CACNA2D3: variants seen among roughly 807,000 people sequenced by gnomAD.
CACNA2D3 encodes the protein calcium voltage-gated channel auxiliary subunit alpha2delta 3, also known as voltage-dependent calcium channel subunit alpha-2/delta-3.
In CACNA2D3, 60 loss-of-function variants were observed where a neutral mutation model predicts 160.6. That is an observed-to-expected ratio of 0.37 (90% CI 0.30 to 0.46). CACNA2D3 has a LOEUF of 0.46. Among genes scored for constraint, CACNA2D3 ranks in the 20% least tolerant of loss-of-function variants. The pLI is 1.00. For missense variants in CACNA2D3, 1,205 were observed against 1,365.0 expected, an observed-to-expected ratio of 0.88 and a Z score of 1.85; for synonymous variants, 558 against 492.9, an observed-to-expected ratio of 1.13 and a Z score of -1.75.
At chr3:54,890,495 C>CAAAAAAA (rs34740812) in intron 24 of CACNA2D3, among the ~76,000 whole-genome samples, 10 of 60,436 alleles carry the variant, frequency 1.7e-4, no homozygotes, top group African/African-American at 3.8e-4. Context: ...GACTCCGTCT[C>CAAAAAAA]AAAAAAAAAA....
chr3:54,365,898 C>T (rs1698820756), intron 3 of CACNA2D3, among the ~76,000 whole-genome samples: 1 of 152,198 alleles, frequency 6.6e-6, no homozygotes, highest in East Asian at 1.9e-4. Context: ...AGCCTATCCT[C>T]TCAGAGTTTA....
chr3:54,616,163 A>G (rs1177726384), intron 9 of CACNA2D3, among the ~76,000 whole-genome samples: 1 of 152,200 alleles, frequency 6.6e-6, no homozygotes, highest in Non-Finnish European at 1.5e-5. Flanking sequence ...CCTGGACTCA[A>G]GAACCCAGGA....
At chr3:54,899,662 C>G (rs1397088885) in intron 26 of CACNA2D3, 126 bp from the exon 27 acceptor site, 1 of 687,842 alleles carries the variant, frequency 1.5e-6, no homozygotes, top group Non-Finnish European at 2.5e-6. Flanking sequence ...TCAGAGGACT[C>G]TGGGGCCTGG....
At chr3:54,614,053 G>C (rs1575382399) in intron 9 of CACNA2D3, among the ~76,000 whole-genome samples, 1 of 152,154 alleles carries the variant, frequency 6.6e-6, no homozygotes, top group East Asian at 1.9e-4. Flanking sequence ...GTCTCCCCTT[G>C]TTCAATTGAT....
At chr3:54,710,874 T>C (rs1462588752) in intron 11 of CACNA2D3, among the ~76,000 whole-genome samples, 1 of 152,192 alleles carries the variant, frequency 6.6e-6, no homozygotes, top group Non-Finnish European at 1.5e-5. Flanking sequence ...AATATTTAAT[T>C]AAATCTCCTT....
intron 4 of CACNA2D3, among the ~76,000 whole-genome samples, chr3:54,481,534 G>T (rs1440033644): frequency 1.3e-5 from 2 of 152,194 alleles, no homozygotes; most frequent in African/African-American, 4.8e-5. Context: ...GAAATGATTG[G>T]TAACTGTGCT....
At chr3:54,973,388 G>A (rs969470154) in intron 29 of CACNA2D3, among the ~76,000 whole-genome samples, 1 of 152,168 alleles carries the variant, frequency 6.6e-6, no homozygotes, top group Non-Finnish European at 1.5e-5. Context: ...TAGCAAAGAC[G>A]GTGGAAGGTG....
intron 13 of CACNA2D3, among the ~76,000 whole-genome samples, chr3:54,800,776 G>A (rs922845876): frequency 2.1e-4 from 32 of 152,154 alleles, no homozygotes; most frequent in African/African-American, 5.8e-4. Context: ...TCAAAATTAA[G>A]TTTGAAAATA....
At chr3:54,615,737 C>G (rs1698835806) in intron 9 of CACNA2D3, among the ~76,000 whole-genome samples, 1 of 152,134 alleles carries the variant, frequency 6.6e-6, no homozygotes, top group African/African-American at 2.4e-5. Flanking sequence ...AACTTAATAG[C>G]TAAAACAGGG....
chr3:54,744,402 C>G lies in CACNA2D3; in HGVS notation c.1168-8197C>G, dbSNP rs115397381. 5.9e-3 allele frequency among the ~76,000 whole-genome samples: 891 copies of G among 152,286 alleles called. 9 individuals are homozygous for G. Among genetic ancestry groups the G allele is most frequent in the African/African-American group, 0.02 (850 of 41,554 alleles). On this transcript the variant is annotated intron_variant, in intron 11 of 37. Coordinates refer to ENST00000474759, the MANE Select transcript of CACNA2D3 (RefSeq NM_018398.3). The stretch of plus-strand genomic sequence containing the variant: ...GGTTTTGGTGGAGGAAATGCCCCAA[C>G]CCTCATGAATTTTATCTGAAATTGT...
intron 4 of CACNA2D3, among the ~76,000 whole-genome samples, chr3:54,499,307 C>G (rs2106937205): frequency 6.6e-6 from 1 of 152,192 alleles, no homozygotes; most frequent in South Asian, 2.1e-4. Flanking sequence ...TACCCCTTCC[C>G]TTTGTTAATT....
intron 27 of CACNA2D3, among the ~76,000 whole-genome samples, chr3:54,939,804 C>T (rs957210548): frequency 6.6e-6 from 1 of 152,164 alleles, no homozygotes; most frequent in Non-Finnish European, 1.5e-5. Flanking sequence ...ATTTTGTGGG[C>T]CTGCTCCTGC....
At chr3:54,222,925 T>G (rs888508894) in intron 2 of CACNA2D3, among the ~76,000 whole-genome samples, 1 of 152,234 alleles carries the variant, frequency 6.6e-6, no homozygotes, top group Non-Finnish European at 1.5e-5. Context: ...ATTACTGATA[T>G]GTTTGAGTTT....
intron 11 of CACNA2D3, among the ~76,000 whole-genome samples, chr3:54,693,255 C>T (rs749420277): frequency 3.9e-5 from 6 of 152,204 alleles, no homozygotes; most frequent in Non-Finnish European, 7.3e-5. Flanking sequence ...TACAGTCATG[C>T]TCTGCATAAC....
intron 14 of CACNA2D3, among the ~76,000 whole-genome samples, chr3:54,825,059 A>T (rs767530094): frequency 1.3e-5 from 2 of 152,108 alleles, no homozygotes; most frequent in African/African-American, 4.8e-5. Flanking sequence ...ACTGTTTTCT[A>T]TTTATTTAAA....
chr3:54,882,758 GTTCTC>G (rs1048868723), intron 21 of CACNA2D3, among the ~76,000 whole-genome samples: 21 of 152,088 alleles, frequency 1.4e-4, no homozygotes, highest in African/African-American at 4.8e-4. Flanking sequence ...GTGTATTATT[GTTCTC>G]TTCTGTTCTT....
intron 35 of CACNA2D3, among the ~76,000 whole-genome samples, chr3:55,065,244 G>A (rs2107225673): frequency 6.6e-6 from 1 of 152,308 alleles, no homozygotes; most frequent in South Asian, 2.1e-4. Flanking sequence ...TACATGAACA[G>A]ATTTTCTGGG....
Position 54,944,476 on chromosome 3 carries a change from A to T in CACNA2D3, c.2450-23974A>T, listed in dbSNP as rs138225507. On this transcript the variant is annotated intron_variant, in intron 27 of 37. Transcript: ENST00000474759. ...CGCTCTGTCGCCCAGGCTGGAGTGCAGTGGCATGATCTGGGCTCACTGCAA... is the reference window on the plus strand; with the variant it reads ...CGCTCTGTCGCCCAGGCTGGAGTGCTGTGGCATGATCTGGGCTCACTGCAA... 6.6e-3 allele frequency among the ~76,000 whole-genome samples: 998 copies of T among 152,002 alleles called. 7 individuals are homozygous for T. Among genetic ancestry groups the T allele is most frequent in the African/African-American group, 0.022 (924 of 41,438 alleles).
At chr3:54,643,858 C>T (rs908580932) in intron 11 of CACNA2D3, among the ~76,000 whole-genome samples, 4 of 152,252 alleles carry the variant, frequency 2.6e-5, no homozygotes, top group East Asian at 3.9e-4. Context: ...TGAGTAGGGC[C>T]ATGGACATTT....
Sources: gnomAD v4.1 joint callset for allele counts (sites outside exome capture counted in the v4.1 genomes callset) on GRCh38, gnomAD v4.1.1 for gene constraint, MANE v1.5 for transcripts, NCBI Gene and HGNC (gene_info 2026-07-23, HGNC 2026-07-21) for gene names.